PIP5K1A: variants seen among roughly 807,000 people sequenced by gnomAD.
PIP5K1A encodes phosphatidylinositol 4-phosphate 5-kinase type-1 alpha.
PIP5K1A carries 46 observed loss-of-function variants against 72.9 expected under a neutral mutation model. The ratio of observed to expected loss-of-function variants is 0.63; its 90% confidence interval spans 0.50 to 0.81. PIP5K1A has a LOEUF of 0.81. PIP5K1A is among the 30% of genes least tolerant of loss of function. The pLI is 0.00. For synonymous variants in PIP5K1A, 228 were observed against 255.1 expected (o/e 0.89, Z 1.01); for missense variants, 458 against 706.1 (o/e 0.65, Z 3.98).
rs112354811 is a variant in PIP5K1A at position 151,248,228 on chromosome 1, G to A, written c.*363G>A. The A allele has an allele frequency of 1.8e-5, 6 of 330,550 alleles. No homozygotes were observed. The East Asian group carries it at 3.0e-4, about 17-fold the overall frequency. 20.5% of individuals were successfully genotyped at this position (330,550 alleles called of 1,614,324 possible). On this transcript the variant is annotated 3_prime_UTR_variant, in exon 16 of 16. Coordinates refer to ENST00000368888, the MANE Select transcript of PIP5K1A (RefSeq NM_001135638.2). The stretch of plus-strand genomic sequence containing the variant: ...GGACTTGGCAGCTTTCTTTCCCCTC[G>A]TCTTTGACTAGGAACCGGACTCTTA...
chr1:151,200,500 A>G (rs1022509696), intron 1 of PIP5K1A, among the ~76,000 whole-genome samples: 2 of 152,060 alleles, frequency 1.3e-5, no homozygotes, highest in African/African-American at 4.8e-5. Flanking sequence ...CTGCTTCTAC[A>G]CTGGAATAGA....
At position 151,198,565 on chromosome 1, in the gene PIP5K1A, G is replaced by T. The variant is rs587682441; in HGVS notation, c.-432G>T. ...GCGCAGTGCTCGGATTTTTTGCTTGGCTACCCGGAGTGAAGCGGCCGGGTT... is the reference window on the plus strand; with the variant it reads ...GCGCAGTGCTCGGATTTTTTGCTTGTCTACCCGGAGTGAAGCGGCCGGGTT... On this transcript the variant is annotated 5_prime_UTR_variant, in exon 1 of 16. Coordinates refer to ENST00000368888, the MANE Select transcript of PIP5K1A (RefSeq NM_001135638.2). The T allele has an allele frequency of 2.0e-5, 4 of 198,582 alleles. No homozygotes were observed. In the South Asian group the frequency reaches 3.2e-4, roughly 16 times the overall value. The allele number at this position is 198,582 out of a possible 1,614,324, so 12.3% of individuals were successfully genotyped here. A position where few individuals can be genotyped will look rare whatever the true frequency, so the allele number is the denominator to read the frequency against.
intron 1 of PIP5K1A, among the ~76,000 whole-genome samples, chr1:151,214,980 A>G (rs1206983822): frequency 6.6e-6 from 1 of 150,550 alleles, no homozygotes; most frequent in Non-Finnish European, 1.5e-5. Context: ...AGCCTCCCAA[A>G]GTGCTGGGAT....
chr1:151,242,427 C>G lies in PIP5K1A; in HGVS notation c.1511-11C>G. 1.2e-6 allele frequency: 2 copies of G among 1,611,416 alleles called. No homozygotes were observed. The highest frequency in any genetic ancestry group is 1.7e-6 in the Non-Finnish European group (2 of 1,179,872). On this transcript the variant is annotated splice_polypyrimidine_tract_variant and intron_variant, in intron 13 of 15. Coordinates refer to ENST00000368888, the MANE Select transcript of PIP5K1A (RefSeq NM_001135638.2). ...ATTTACTGTACCCCATCTTCTCTAT[C>G]TTTTTTCCAGGCGTTCACCTTGGTC...
At chr1:151,236,425 G>A (rs903661763) in intron 8 of PIP5K1A, 133 bp from the exon 9 acceptor site, 103 of 619,470 alleles carry the variant, frequency 1.7e-4, no homozygotes, top group Middle Eastern at 4.1e-4. Flanking sequence ...ACAGTGAGCC[G>A]AGATCACACC....
intron 8 of PIP5K1A, among the ~76,000 whole-genome samples, chr1:151,236,157 C>A (rs967879714): frequency 4.7e-5 from 7 of 149,638 alleles, no homozygotes; most frequent in Non-Finnish European, 7.4e-5. Context: ...TACAGGTTCA[C>A]TGTAAGGCTA....
chr1:151,240,006 T>C lies in PIP5K1A; in HGVS notation c.1330T>C (p.Phe444Leu). Residue 444 changes from phenylalanine to leucine, a missense_variant, in exon 12 of 16, where the codon TTC (phenylalanine) becomes CTC (leucine). By Grantham distance (22) the Phe-to-Leu change is conservative (BLOSUM62 0). Around this residue, in one of 3 missense-constraint regions of PIP5K1A, gnomAD observed 157 missense variants for 175.5 expected, o/e 0.89. Coordinates refer to ENST00000368888, the MANE Select transcript of PIP5K1A (RefSeq NM_001135638.2). ...PGFYAERFQRFMCNTVFKKIP... is the reference protein window; with the variant it reads ...PGFYAERFQRLMCNTVFKKIP... ...CTTCTACGCTGAACGGTTCCAGCGC[T>C]TCATGTGCAACACAGTATTTAAGAA... 2 of 1,612,748 alleles carry C rather than the reference T, an allele frequency of 1.2e-6. No individual in the cohort carries two copies. Among genetic ancestry groups the C allele is most frequent in the Non-Finnish European group, 1.7e-6 (2 of 1,179,208 alleles).
At chr1:151,209,046 T>G (rs1272599888) in intron 1 of PIP5K1A, among the ~76,000 whole-genome samples, 4 of 151,590 alleles carry the variant, frequency 2.6e-5, no homozygotes, top group East Asian at 3.9e-4. Flanking sequence ...TTTTTTTTTT[T>G]GAACACACTT....
chr1:151,224,228 T>C lies in PIP5K1A; in HGVS notation c.86-17T>C. 1 of 1,609,622 alleles carries C rather than the reference T, an allele frequency of 6.2e-7. No individual in the cohort carries two copies. The highest frequency in any genetic ancestry group is 8.5e-7 in the Non-Finnish European group (1 of 1,176,460). On this transcript the variant is annotated splice_polypyrimidine_tract_variant and intron_variant, in intron 1 of 15. Transcript: ENST00000368888. ...GTGTGTGATACACTCTTATGATTGT[T>C]TTTTTTTCCCCCCTAGCAGCATCTG...
At chr1:151,208,154 C>G (rs1686211716) in intron 1 of PIP5K1A, among the ~76,000 whole-genome samples, 1 of 152,046 alleles carries the variant, frequency 6.6e-6, no homozygotes, top group Admixed American at 6.6e-5. Context: ...GCCACCGGGC[C>G]CAGCTGGCTC....
chr1:151,216,120 G>A lies in PIP5K1A; in HGVS notation c.86-8125G>A, dbSNP rs867455372. 7 of 486,530 alleles carry A rather than the reference G, an allele frequency of 1.4e-5. No homozygotes were observed. The Middle Eastern group carries it at 1.1e-3, about 79-fold the overall frequency. 30.1% of individuals were successfully genotyped at this position (486,530 alleles called of 1,614,324 possible). ...TCCCAGCACCTTGGGAGGCCGAGGCGGGCGGATCACGAGGTCAGGAGATCG... is the reference window on the plus strand; with the variant it reads ...TCCCAGCACCTTGGGAGGCCGAGGCAGGCGGATCACGAGGTCAGGAGATCG... On this transcript the variant is annotated intron_variant, in intron 1 of 15. Coordinates refer to ENST00000368888, the MANE Select transcript of PIP5K1A (RefSeq NM_001135638.2).
intron 1 of PIP5K1A, among the ~76,000 whole-genome samples, chr1:151,221,973 A>C (rs1393255932): frequency 6.6e-6 from 1 of 152,086 alleles, no homozygotes; most frequent in East Asian, 1.9e-4. Context: ...TGTAGTCCCA[A>C]CTACTCAGGT....
intron 4 of PIP5K1A, among the ~76,000 whole-genome samples, chr1:151,230,673 C>T (rs1332658644): frequency 6.6e-6 from 1 of 152,198 alleles, no homozygotes; most frequent in East Asian, 1.9e-4. Context: ...TTCTGAGTAG[C>T]TGGGACTACA....
rs587599301 is a variant in PIP5K1A at position 151,210,072 on chromosome 1, C to T, written c.85+10991C>T. Reference sequence around the variant, plus strand: ...CTAATTTTTGTATTTTCAGTAGAGACGGGGTTTTGCCATGTTAGCCAGGTT... The same window carrying T: ...CTAATTTTTGTATTTTCAGTAGAGATGGGGTTTTGCCATGTTAGCCAGGTT... On this transcript the variant is annotated intron_variant, in intron 1 of 15. Transcript: ENST00000368888. 4.0e-5 allele frequency among the ~76,000 whole-genome samples: 6 copies of T among 151,394 alleles called. No individual in the cohort carries two copies. The South Asian group carries it at 6.3e-4, about 16-fold the overall frequency.
rs981508990 is a variant in PIP5K1A, at chr1:151,215,026, CTTTTTTTTT to C, written c.86-9206_86-9198del. On this transcript the variant is annotated intron_variant, in intron 1 of 15. Coordinates refer to ENST00000368888, the MANE Select transcript of PIP5K1A (RefSeq NM_001135638.2). ...AGCCACCATGCCCAGCCTGTGCATT[CTTTTTTTTT>C]TTTTTTTTTTTTGAGATGGAGTTTT... Among the ~76,000 whole-genome samples the C allele has an allele frequency of 1.8e-4, 21 of 115,080 alleles. No homozygotes were observed. In the East Asian group the frequency reaches 4.9e-3, roughly 27 times the overall value. 75.5% of individuals were successfully genotyped at this position (115,080 alleles called of 152,430 possible).
At chr1:151,215,860 C>G (rs1687514716) in intron 1 of PIP5K1A, 1 of 544,166 alleles carries the variant, frequency 1.8e-6, no homozygotes, top group Non-Finnish European at 3.4e-6. Context: ...AGGTCCAGTT[C>G]ATAATTTTAA....
At position 151,232,748 on chromosome 1, in the gene PIP5K1A, G is replaced by A. The variant is rs750514226; in HGVS notation, c.639+45G>A. The stretch of plus-strand genomic sequence containing the variant: ...TGTCCACCTGTGCTGCTCACTTCTG[G>A]GCAAGGCTGGGGAGGCTGTCTTCAG... On this transcript the variant is annotated intron_variant, in intron 7 of 15. Coordinates refer to ENST00000368888, the MANE Select transcript of PIP5K1A (RefSeq NM_001135638.2). 1.9e-6 allele frequency: 3 copies of A among 1,563,578 alleles called. No individual in the cohort carries two copies. In the South Asian group the frequency reaches 3.4e-5, roughly 18 times the overall value.
intron 15 of PIP5K1A, among the ~76,000 whole-genome samples, chr1:151,247,289 C>T (rs1011873984): frequency 2.2e-4 from 34 of 151,956 alleles, no homozygotes; most frequent in Admixed American, 4.6e-4. Context: ...CCACCACGCC[C>T]GGCTAATTTT....
At chr1:151,238,646 G>A (rs1691223691) in intron 10 of PIP5K1A, 1 of 268,322 alleles carries the variant, frequency 3.7e-6, no homozygotes, top group Non-Finnish European at 7.2e-6. Flanking sequence ...GAGGGTCACT[G>A]TGTTCTGTAA....
Sources: gnomAD v4.1 joint callset for allele counts (sites outside exome capture counted in the v4.1 genomes callset) on GRCh38, gnomAD v4.1.1 for gene constraint, gnomAD v4.1.1 regional missense constraint, MANE v1.5 for transcripts, NCBI Gene and HGNC (gene_info 2026-07-23, HGNC 2026-07-21) for gene names.